The following AKAP13 variants were observed in gnomAD, a reference collection of about 807,000 sequenced individuals.
The protein encoded by AKAP13 is A-kinase anchor protein 13.
A neutral mutation model predicts 264.5 loss-of-function variants in AKAP13; 80 were observed. The ratio of observed to expected loss-of-function variants is 0.30; its 90% CI spans 0.25 to 0.36. The LOEUF is 0.36. Ranked by LOEUF, AKAP13 falls within the 10% of genes least tolerant of loss-of-function variation. AKAP13 has a pLI of 1.00. For synonymous variants in AKAP13, 1,380 were observed against 1,250.2 expected, an observed-to-expected ratio of 1.10 and a Z score of -2.19; for missense variants, 3,712 against 3,435.2, an observed-to-expected ratio of 1.08 and a Z score of -2.01.
At chr15:85,632,811 A>G (rs1259446109) in intron 8 of AKAP13, among the ~76,000 whole-genome samples, 1 of 152,178 alleles carries the variant, frequency 6.6e-6, no homozygotes, top group African/African-American at 2.4e-5. Context: ...CACTTTACTC[A>G]TTGGCTGTGG....
chr15:85,717,157 A>G (rs2086998784), intron 20 of AKAP13, 133 bp from the exon 21 acceptor site: 2 of 567,982 alleles, frequency 3.5e-6, no homozygotes, highest in Non-Finnish European at 3.0e-6. Context: ...GCCCCGACAT[A>G]AGCAATTTGT....
chr15:85,502,327 T>C (rs1311379822), intron 2 of AKAP13, among the ~76,000 whole-genome samples: 1 of 152,248 alleles, frequency 6.6e-6, no homozygotes, highest in East Asian at 1.9e-4. Flanking sequence ...ATTTAGAAAG[T>C]GACAGCAATA....
chr15:85,569,451 C>CTTTTTTTTTTTTTTTTTT (rs71468120), intron 5 of AKAP13, among the ~76,000 whole-genome samples: 1 of 121,822 alleles, frequency 8.2e-6, no homozygotes, highest in Non-Finnish European at 1.7e-5. Context: ...TTTTTCTTTT[C>CTTTTTTTTTTTTTTTTTT]TTTTTTTTTT....
At chr15:85,686,545 A>G (rs1032231954) in intron 16 of AKAP13, among the ~76,000 whole-genome samples, 1 of 152,138 alleles carries the variant, frequency 6.6e-6, no homozygotes, top group African/African-American at 2.4e-5. Flanking sequence ...CAAAGAGTCT[A>G]GCAAATTATT....
chr15:85,581,419 T>C lies in AKAP13; in HGVS notation c.3351T>C (p.Ile1117=). ...NISHNTQDIL[I]PNVLLSQEKN... ...CACACAACACCCAAGACATCCTGAT[T>C]CCAAACGTCTTGTTGAGCCAAGAGA... Residue 1117 remains isoleucine, a synonymous_variant, in exon 7 of 37, where the codon ATT becomes ATC. Coordinates refer to ENST00000394518, the MANE Select transcript of AKAP13 (RefSeq NM_007200.5). 6.2e-7 allele frequency: 1 copy of C among 1,614,222 alleles called. No individual in the cohort carries two copies. Among genetic ancestry groups the C allele is most frequent in the South Asian group, 1.1e-5 (1 of 91,088 alleles).
chr15:85,584,175 A>G (rs1037299306), intron 7 of AKAP13, among the ~76,000 whole-genome samples: 3 of 152,196 alleles, frequency 2.0e-5, no homozygotes, highest in African/African-American at 7.2e-5. Context: ...GAGTGAGAAG[A>G]CATAGGTTTA....
chr15:85,625,508 A>G (rs1222955498), intron 8 of AKAP13, among the ~76,000 whole-genome samples: 1 of 152,164 alleles, frequency 6.6e-6, no homozygotes, highest in Non-Finnish European at 1.5e-5. Flanking sequence ...TAACATGAGA[A>G]CAGGATCCCT....
chr15:85,696,310 T>C (rs1343242151), intron 17 of AKAP13, among the ~76,000 whole-genome samples: 2 of 152,162 alleles, frequency 1.3e-5, no homozygotes, highest in African/African-American at 4.8e-5. Flanking sequence ...ATGCTGAAAG[T>C]AAACAAATGT....
intron 14 of AKAP13, among the ~76,000 whole-genome samples, chr15:85,678,643 C>T: frequency 6.6e-6 from 1 of 152,136 alleles, no homozygotes; most frequent in South Asian, 2.1e-4. Context: ...GGGCGGATCA[C>T]TTGAGGTCAG....
intron 1 of AKAP13, among the ~76,000 whole-genome samples, chr15:85,399,525 A>AAAAAAAAAT (rs2071309195): frequency 9.8e-6 from 1 of 102,136 alleles, no homozygotes; most frequent in Non-Finnish European, 2.1e-5. Context: ...AAAAAAAATA[A>AAAAAAAAAT]AAAAATAAAA....
rs139748343 is a variant in AKAP13, at chr15:85,521,595, C to A, written c.181+20C>A. Reference sequence around the variant, plus strand: ...CTCCTGGTAAGTATTTGAATGGGATCCTTACTAGCTTTTCCTAGTTCTTAA... The same window carrying A: ...CTCCTGGTAAGTATTTGAATGGGATACTTACTAGCTTTTCCTAGTTCTTAA... On this transcript the variant is annotated intron_variant, in intron 3 of 36. Transcript: ENST00000394518. The A allele has an allele frequency of 5.1e-4, 828 of 1,611,302 alleles. 5 individuals carry two copies. In the African/African-American group the frequency reaches 0.01, roughly 20 times the overall value.
chr15:85,510,946 G>A (rs1352061867), intron 2 of AKAP13, among the ~76,000 whole-genome samples: 4 of 152,108 alleles, frequency 2.6e-5, no homozygotes, highest in South Asian at 2.1e-4. Context: ...TTTAGGTGGC[G>A]CTTGAGTTTG....
intron 1 of AKAP13, among the ~76,000 whole-genome samples, chr15:85,459,884 T>G (rs1489983041): frequency 6.6e-6 from 1 of 152,244 alleles, no homozygotes; most frequent in East Asian, 1.9e-4. Context: ...CACTCTCAAG[T>G]ATATTGGATC....
At chr15:85,689,093 G>T (rs1018401503) in intron 16 of AKAP13, among the ~76,000 whole-genome samples, 25 of 152,186 alleles carry the variant, frequency 1.6e-4, no homozygotes, top group African/African-American at 6.0e-4. Context: ...AGACAAACAA[G>T]AGGTGGTTAG....
At chr15:85,382,518 G>T (rs1376384349) in intron 1 of AKAP13, among the ~76,000 whole-genome samples, 1 of 152,208 alleles carries the variant, frequency 6.6e-6, no homozygotes, top group East Asian at 1.9e-4. Context: ...GTTGACAGAG[G>T]TTGGAAGGGA....
chr15:85,519,631 T>G (rs988539625), intron 2 of AKAP13, among the ~76,000 whole-genome samples: 7 of 152,204 alleles, frequency 4.6e-5, no homozygotes, highest in Non-Finnish European at 1.0e-4. Context: ...AAGACAGAAG[T>G]CTAATTCTGA....
At chr15:85,613,675 C>G (rs952286754) in intron 8 of AKAP13, among the ~76,000 whole-genome samples, 1 of 45,930 alleles carries the variant, frequency 2.2e-5, no homozygotes, top group South Asian at 1.2e-3. Context: ...AGCCAGACTC[C>G]GTCTAAAAAA....
Position 85,428,000 on chromosome 15 carries a change from C to T in AKAP13, c.-12+47202C>T, listed in dbSNP as rs77392895. On this transcript the variant is annotated intron_variant, in intron 1 of 36. Coordinates refer to ENST00000394518, the MANE Select transcript of AKAP13 (RefSeq NM_007200.5). ...TGGAGCTTACTGTCCAACTTACACT[C>T]CTGAGAACTATTTGAAACCAGAATC... 7.0e-3 allele frequency among the ~76,000 whole-genome samples: 1,064 copies of T among 152,270 alleles called. 19 individuals are homozygous for T. The highest frequency in any genetic ancestry group is 0.024 in the African/African-American group (1,011 of 41,554).
Position 85,574,062 on chromosome 15 carries a change from T to C in AKAP13, c.663-1069T>C, listed in dbSNP as rs1297930436. Among the ~76,000 whole-genome samples the C allele has an allele frequency of 2.6e-5, 4 of 152,352 alleles. No individual in the cohort carries two copies. In the East Asian group the frequency reaches 7.7e-4, roughly 29 times the overall value. On this transcript the variant is annotated intron_variant, in intron 5 of 36. Transcript: ENST00000394518. ...ATCATATAGTTAGGAGATAAAATTT[T>C]GTACCCAGAAATCTCTAACTCTGTA...
Sources: gnomAD v4.1 joint callset for allele counts (sites outside exome capture counted in the v4.1 genomes callset) on GRCh38, gnomAD v4.1.1 for gene constraint, MANE v1.5 for transcripts, NCBI Gene and HGNC (gene_info 2026-07-23, HGNC 2026-07-21) for gene names.